Variants in COL5A3 observed in about 807,000 individuals in gnomAD.
The protein encoded by COL5A3 is collagen type V alpha 3 chain, also known as collagen alpha-3(V) chain.
A neutral mutation model predicts 250.0 loss-of-function variants in COL5A3; 172 were observed. That is an observed-to-expected ratio of 0.69 (90% confidence interval 0.61 to 0.78). The LOEUF is 0.78. COL5A3 is among the 30% of genes least tolerant of loss of function. COL5A3 has a pLI of 0.00. For missense variants in COL5A3, 2,340 were observed against 2,334.4 expected (o/e 1.00, Z -0.05); for synonymous variants, 937 against 900.4 (o/e 1.04, Z -0.73).
intron 53 of COL5A3, 24 bp downstream of exon 53, chr19:9,970,951 C>A (rs1599534885): frequency 3.2e-6 from 5 of 1,561,160 alleles, no homozygotes; most frequent in Middle Eastern, 3.4e-4. Context: ...GCCTCAGCAC[C>A]ACACCCTCTG....
intron 24 of COL5A3, among the ~76,000 whole-genome samples, chr19:9,990,856 C>T (rs753980675): frequency 2.0e-5 from 3 of 152,170 alleles, no homozygotes; most frequent in South Asian, 4.1e-4. Context: ...AACCACCGCA[C>T]CTGACCAATA....
chr19:9,970,359 G>C (rs1340292554), intron 54 of COL5A3, among the ~76,000 whole-genome samples: 2 of 129,244 alleles, frequency 1.5e-5, no homozygotes, highest in African/African-American at 3.0e-5. Context: ...CTGTGGCTGA[G>C]TGGGGTCTGT....
In COL5A3 at chr19:10,007,726, G is replaced by A. The variant is rs1004858645; in HGVS notation, c.89-1495C>T. 5.0e-4 allele frequency among the ~76,000 whole-genome samples: 76 copies of A among 152,244 alleles called. 1 individual carries two copies. The highest frequency in any genetic ancestry group is 1.9e-4 in the Non-Finnish European group (13 of 68,012). On this transcript the variant is annotated intron_variant, in intron 1 of 66. Transcript: ENST00000264828. ...GGGGGCTAAGACGTTGGGGAGGCAC[G>A]GGCTTGGATGAAGGACCCCCATTCC...
intron 4 of COL5A3, 123 bp downstream of exon 4, chr19:10,005,435 C>A: frequency 1.0e-6 from 1 of 993,744 alleles, no homozygotes; most frequent in Non-Finnish European, 1.5e-6. Flanking sequence ...AACTCGCTTC[C>A]CTTAGCTTCC....
intron 8 of COL5A3, 122 bp from the exon 9 acceptor site, chr19:9,998,271 A>G: frequency 3.0e-6 from 3 of 1,004,716 alleles, no homozygotes; most frequent in Non-Finnish European, 4.4e-6. Context: ...GTCCACCCTC[A>G]GAGCCCCTTC....
Position 9,968,272 on chromosome 19 carries a change from C to T in COL5A3, c.4314+113G>A. The stretch of plus-strand genomic sequence containing the variant: ...TTCCCAGATACATCCCCCTATTTTC[C>T]CCACACACACCCTCATTAATCCAGA... On this transcript the variant is annotated intron_variant, in intron 59 of 66. Transcript: ENST00000264828. This position sits in a 1 kb window ranked among gnomAD's most constrained non-coding sequence, Gnocchi z 4.1. 1 of 1,044,940 alleles carries T rather than the reference C, an allele frequency of 9.6e-7. No homozygotes were observed. 64.7% of individuals were successfully genotyped at this position (1,044,940 alleles called of 1,614,324 possible).
In COL5A3 at chr19:9,970,026, A is replaced by AGGTGAGTGGGGTCTGTG. The variant is rs2086806835; in HGVS notation, c.3937-121_3937-105dup. The stretch of plus-strand genomic sequence containing the variant: ...GGGTTATGGATGAGTGGGGTCTGTA[A>AGGTGAGTGGGGTCTGTG]GGTGAGTGGGGTCTGTGGGGTGAAT... On this transcript the variant is annotated intron_variant, in intron 54 of 66. Transcript: ENST00000264828. 8.7e-6 allele frequency: 5 copies of AGGTGAGTGGGGTCTGTG among 573,542 alleles called. 1 individual carries two copies. Among genetic ancestry groups the AGGTGAGTGGGGTCTGTG allele is most frequent in the Non-Finnish European group, 1.2e-5 (4 of 341,856 alleles). 35.5% of individuals were successfully genotyped at this position (573,542 alleles called of 1,614,324 possible). A position where few individuals can be genotyped will look rare whatever the true frequency, so the allele number is the denominator to read the frequency against.
intron 50 of COL5A3, 102 bp downstream of exon 50, chr19:9,973,468 G>C: frequency 8.4e-7 from 1 of 1,185,128 alleles, no homozygotes; most frequent in Non-Finnish European, 1.2e-6. Context: ...ACAGGGGTGA[G>C]TGGATGATCT....
intron 4 of COL5A3, among the ~76,000 whole-genome samples, chr19:10,004,584 G>A (rs1016294363): frequency 2.6e-5 from 4 of 152,144 alleles, no homozygotes; most frequent in African/African-American, 9.7e-5. Context: ...ACCCGCCTTG[G>A]CCTCCCAAAG....
At chr19:10,000,728 G>A (rs145161247) in intron 8 of COL5A3, among the ~76,000 whole-genome samples, 1 of 152,192 alleles carries the variant, frequency 6.6e-6, no homozygotes, top group East Asian at 1.9e-4. Context: ...CACAGTGCCT[G>A]ACACAAGCAG....
rs1042955958 is a variant in COL5A3, at chr19:9,960,130, A to G, written c.*281T>C. On this transcript the variant is annotated 3_prime_UTR_variant, in exon 67 of 67. Coordinates refer to ENST00000264828, the MANE Select transcript of COL5A3 (RefSeq NM_015719.4). ...TTAGAAGCTCATTGCATGGGGGTTC[A>G]AGGGGTGGGGAGGTGAGGCTTGGGT... 7.9e-5 allele frequency: 35 copies of G among 445,222 alleles called. No homozygotes were observed. Among genetic ancestry groups the G allele is most frequent in the Non-Finnish European group, 1.4e-4 (34 of 248,874 alleles). 27.6% of individuals were successfully genotyped at this position (445,222 alleles called of 1,614,324 possible).
At chr19:9,987,972 T>G (rs760298334) in intron 27 of COL5A3, among the ~76,000 whole-genome samples, 7 of 152,150 alleles carry the variant, frequency 4.6e-5, no homozygotes, top group Non-Finnish European at 7.3e-5. Context: ...TGGTGGCTCA[T>G]GCCTGTAATC....
At chr19:9,979,939 C>T (rs11882323) in intron 36 of COL5A3, 47 bp from the exon 37 acceptor site, 5 of 1,575,060 alleles carry the variant, frequency 3.2e-6, no homozygotes, top group Non-Finnish European at 4.3e-6. Flanking sequence ...ACAGGGCTTC[C>T]TCCCTTCCCA....
chr19:9,978,697 G>C (rs2086960300), intron 40 of COL5A3, 70 bp from the exon 41 acceptor site: 1 of 1,129,930 alleles, frequency 8.9e-7, no homozygotes, highest in Non-Finnish European at 1.3e-6. Context: ...TCCTCTGTGG[G>C]GAGCTCACAG....
At chr19:9,989,549 A>G in intron 24 of COL5A3, 27 bp from the exon 25 acceptor site, 1 of 1,595,364 alleles carries the variant, frequency 6.3e-7, no homozygotes, top group Non-Finnish European at 8.5e-7. Flanking sequence ...AGCAGGGGAG[A>G]GACAGAGGTG....
chr19:10,010,313 G>A lies in COL5A3; in HGVS notation c.73C>T (p.Pro25Ser), dbSNP rs1437803208. 6.9e-7 allele frequency: 1 copy of A among 1,456,692 alleles called. No homozygotes were observed. The highest frequency in any genetic ancestry group is 2.5e-5 in the Admixed American group (1 of 39,632). The allele number at this position is 1,456,692 out of a possible 1,614,324, so 90.2% of individuals were successfully genotyped here. A position where few individuals can be genotyped will look rare whatever the true frequency, so the allele number is the denominator to read the frequency against. ...CLLLAALQLL[P>S]GTQADPVDVL... The stretch of plus-strand genomic sequence containing the variant: ...CCCGGCTCACCGGCCTGCGTCCCCG[G>A]CAGAAGCTGCAGCGCGGCCAGGAGC... The change falls in exon 1 of 67, where the codon CCG (proline) becomes TCG (serine). Residue 25 changes from proline to serine, a missense_variant. Around this residue, in one of 3 missense-constraint regions of COL5A3, gnomAD observed 1,152 missense variants for 1,146.3 expected, o/e 1.00. Transcript: ENST00000264828.
In COL5A3 at chr19:10,005,972, A is replaced by G; in HGVS notation, c.261T>C (p.Pro87=). 6.2e-7 allele frequency: 1 copy of G among 1,613,544 alleles called. No homozygotes were observed. Among genetic ancestry groups the G allele is most frequent in the Non-Finnish European group, 8.5e-7 (1 of 1,179,544 alleles). The part of the protein sequence containing the change: ...TWELFPEGHF[P]ENFSLLITLR... ...AGGTGATCAGCAAGGAGAAGTTCTC[A>G]GGAAAGTGGCCTTCTGGGTGGGCAG... The change falls in exon 3 of 67, where the codon CCT becomes CCC. Residue 87 remains proline, a synonymous_variant. Coordinates refer to ENST00000264828, the MANE Select transcript of COL5A3 (RefSeq NM_015719.4).
At chr19:10,005,346 T>C (rs998143082) in intron 4 of COL5A3, among the ~76,000 whole-genome samples, 4 of 144,502 alleles carry the variant, frequency 2.8e-5, no homozygotes, top group Non-Finnish European at 6.0e-5. Flanking sequence ...CAAGGCTCCA[T>C]CTCAAAAAAA....
chr19:10,009,784 T>G lies in COL5A3; in HGVS notation c.88+514A>C, dbSNP rs2087499934. ...CACCCACCTTCATCCTCATGGGCAA[T>G]TATTTGCACCCAAAAATCATAACTA... On this transcript the variant is annotated intron_variant, in intron 1 of 66. Coordinates refer to ENST00000264828, the MANE Select transcript of COL5A3 (RefSeq NM_015719.4). The surrounding 1 kb of genome is among the most constrained non-coding windows in gnomAD (Gnocchi z 4.4). Among the ~76,000 whole-genome samples the G allele has an allele frequency of 6.6e-6, 1 of 151,846 alleles. No homozygotes were observed. The highest frequency in any genetic ancestry group is 1.5e-5 in the Non-Finnish European group (1 of 67,974).
Sources: gnomAD v4.1 joint callset for allele counts (sites outside exome capture counted in the v4.1 genomes callset) on GRCh38, gnomAD v4.1.1 for gene constraint, gnomAD v4.1.1 regional missense constraint, Gnocchi (gnomAD v3.1) non-coding constraint, MANE v1.5 for transcripts, NCBI Gene and HGNC (gene_info 2026-07-23, HGNC 2026-07-21) for gene names.